Variants in ATF1 observed in about 807,000 individuals in gnomAD.
ATF1 encodes the protein cyclic AMP-dependent transcription factor ATF-1.
ATF1 carries 16 observed loss-of-function variants against 34.7 expected under a neutral mutation model. The observed-to-expected ratio is 0.46, with a 90% CI of 0.31 to 0.70. The LOEUF is 0.70. Among genes scored for constraint, ATF1 ranks in the 30% least tolerant of loss-of-function variants. The pLI is 0.05. For synonymous variants in ATF1, 105 were observed against 113.1 expected (o/e 0.93, Z 0.46); for missense variants, 255 against 321.6 (o/e 0.79, Z 1.58).
intron 1 of ATF1, among the ~76,000 whole-genome samples, chr12:50,766,727 G>A (rs924408838): frequency 1.3e-5 from 2 of 149,642 alleles, no homozygotes; most frequent in Non-Finnish European, 2.9e-5. Flanking sequence ...GCGTACAAGC[G>A]GCTGCCTGAG....
At chr12:50,818,272 T>C (rs1941882749) in intron 6 of ATF1, among the ~76,000 whole-genome samples, 1 of 151,872 alleles carries the variant, frequency 6.6e-6, no homozygotes, top group African/African-American at 2.4e-5. Context: ...AATTAGCTGG[T>C]GTGGTGGTGT....
chr12:50,789,898 T>C (rs1941265721), intron 2 of ATF1, among the ~76,000 whole-genome samples: 1 of 152,130 alleles, frequency 6.6e-6, no homozygotes, highest in Non-Finnish European at 1.5e-5. Flanking sequence ...ATGAGCATTT[T>C]GTGAGGTTAG....
chr12:50,811,402 A>G (rs936236375), intron 4 of ATF1, among the ~76,000 whole-genome samples: 1 of 152,088 alleles, frequency 6.6e-6, no homozygotes, highest in Non-Finnish European at 1.5e-5. Flanking sequence ...ATTCACAACT[A>G]CATCCTTGAC....
intron 1 of ATF1, among the ~76,000 whole-genome samples, chr12:50,766,424 G>C (rs11169554): frequency 0.24 from 35,798 of 152,034 alleles, 4,970 homozygotes; most frequent in East Asian, 0.4. Flanking sequence ...TCTGCCTTGC[G>C]CTCTTTGCTG....
At position 50,775,612 on chromosome 12, in the gene ATF1, G is replaced by T. The variant is rs112271930; in HGVS notation, c.-6-4528G>T. 6.1e-3 allele frequency: 924 copies of T among 152,468 alleles called. 7 individuals are homozygous for T. The highest frequency in any genetic ancestry group is 0.021 in the African/African-American group (882 of 41,478). The allele number at this position is 152,468 out of a possible 1,614,324, so 9.4% of individuals were successfully genotyped here. A position where few individuals can be genotyped will look rare whatever the true frequency, so the allele number is the denominator to read the frequency against. On this transcript the variant is annotated intron_variant, in intron 1 of 6. Coordinates refer to ENST00000262053, the MANE Select transcript of ATF1 (RefSeq NM_005171.5). ...AGGTCTTGCTACATTGTCCAGGATG[G>T]AGAAGTAGGAATTCTTAAGGATATT...
chr12:50,797,772 C>T (rs1163181691), intron 3 of ATF1, among the ~76,000 whole-genome samples: 3 of 152,058 alleles, frequency 2.0e-5, no homozygotes, highest in African/African-American at 7.2e-5. Flanking sequence ...TACTCAGGCT[C>T]CAATATTTAA....
intron 2 of ATF1, among the ~76,000 whole-genome samples, chr12:50,792,318 G>A (rs1490015508): frequency 6.6e-6 from 1 of 152,212 alleles, no homozygotes; most frequent in Non-Finnish European, 1.5e-5. Context: ...GCTCTGAAAT[G>A]TGTTTCCAGT....
intron 4 of ATF1, among the ~76,000 whole-genome samples, chr12:50,813,059 G>C (rs762899270): frequency 2.0e-5 from 3 of 152,146 alleles, no homozygotes; most frequent in Non-Finnish European, 4.4e-5. Flanking sequence ...TGAGGCATTC[G>C]ATTCTGAAGA....
At chr12:50,769,188 T>A (rs1262004324) in intron 1 of ATF1, among the ~76,000 whole-genome samples, 1 of 152,086 alleles carries the variant, frequency 6.6e-6, no homozygotes, top group Admixed American at 6.6e-5. Context: ...AATGTGGGGT[T>A]TTTTGGCTAA....
At chr12:50,776,952 TC>T (rs919273274) in intron 1 of ATF1, among the ~76,000 whole-genome samples, 10 of 152,112 alleles carry the variant, frequency 6.6e-5, no homozygotes, top group African/African-American at 2.4e-4. Context: ...AACCTCTGCC[TC>T]CCGGGTTCAA....
intron 3 of ATF1, among the ~76,000 whole-genome samples, chr12:50,803,772 A>G (rs915923744): frequency 3.3e-5 from 5 of 152,208 alleles, no homozygotes; most frequent in Admixed American, 2.0e-4. Context: ...TAGCAATTAA[A>G]AAGCAATGAA....
intron 3 of ATF1, among the ~76,000 whole-genome samples, chr12:50,808,821 C>T (rs1941671971): frequency 6.6e-6 from 1 of 151,600 alleles, no homozygotes; most frequent in Admixed American, 6.6e-5. Flanking sequence ...CTCACTGCAA[C>T]CTCCGCCTCC....
At chr12:50,804,752 A>ACTG (rs1941581413) in intron 3 of ATF1, among the ~76,000 whole-genome samples, 1 of 152,218 alleles carries the variant, frequency 6.6e-6, no homozygotes, top group Non-Finnish European at 1.5e-5. Flanking sequence ...TTACAGTCAG[A>ACTG]AAATCAGAAA....
intron 2 of ATF1, among the ~76,000 whole-genome samples, chr12:50,781,775 T>G (rs1473264461): frequency 6.6e-6 from 1 of 151,968 alleles, no homozygotes; most frequent in Non-Finnish European, 1.5e-5. Context: ...ATTAGCTGGG[T>G]GTGGTGGCAC....
intron 2 of ATF1, among the ~76,000 whole-genome samples, chr12:50,786,937 G>A (rs1214073436): frequency 6.6e-6 from 1 of 152,164 alleles, no homozygotes; most frequent in African/African-American, 2.4e-5. Context: ...TGTGTGGCAA[G>A]AACAATGAGA....
intron 1 of ATF1, among the ~76,000 whole-genome samples, chr12:50,775,099 ATCTTT>A (rs1940881727): frequency 6.7e-6 from 1 of 149,868 alleles, no homozygotes; most frequent in African/African-American, 2.5e-5. Flanking sequence ...AAAATATGTT[ATCTTT>A]TGTTTTTTTT....
chr12:50,813,868 CTAAAG>C (rs2139695511), intron 4 of ATF1, 137 bp from the exon 5 acceptor site: 2 of 729,924 alleles, frequency 2.7e-6, no homozygotes, highest in Non-Finnish European at 4.3e-6. Context: ...TGTAGTTCAC[CTAAAG>C]TAAAGTAGTC....
intron 2 of ATF1, among the ~76,000 whole-genome samples, chr12:50,782,368 G>A (rs1941084715): frequency 6.6e-6 from 1 of 151,722 alleles, no homozygotes; most frequent in Non-Finnish European, 1.5e-5. Flanking sequence ...CCATTCTCCT[G>A]CCTCAGCCTC....
At chr12:50,819,580 C>T in intron 6 of ATF1, 55 bp from the exon 7 acceptor site, 3 of 1,575,754 alleles carry the variant, frequency 1.9e-6, no homozygotes, top group Non-Finnish European at 2.6e-6. Context: ...GAACATTTAC[C>T]ATTTAAAGAA....
Sources: allele counts gnomAD v4.1 joint callset (sites outside exome capture counted in the v4.1 genomes callset), GRCh38; gene constraint gnomAD v4.1.1; transcripts MANE v1.5; gene names NCBI Gene and HGNC (gene_info 2026-07-23, HGNC 2026-07-21).